Variants in KCNJ6 observed in about 807,000 individuals in gnomAD.
The protein encoded by KCNJ6 is G protein-activated inward rectifier potassium channel 2.
Under a neutral mutation model 34.2 loss-of-function variants are expected in KCNJ6, and 9 were observed. The ratio of observed to expected loss-of-function variants is 0.26; its 90% CI spans 0.16 to 0.46. The LOEUF (loss-of-function observed/expected upper bound fraction) is 0.46, where lower values mean the gene tolerates loss of function less well. KCNJ6 is among the 20% of genes least tolerant of loss of function. The pLI, the probability that KCNJ6 is intolerant of heterozygous loss-of-function variation, is 1.00. For missense variants in KCNJ6, 236 were observed against 531.3 expected, an observed-to-expected ratio of 0.44 and a Z score of 5.46; for synonymous variants, 196 against 207.1, an observed-to-expected ratio of 0.95 and a Z score of 0.46.
chr21:37,884,677 A>G (rs980786434), intron 1 of KCNJ6, among the ~76,000 whole-genome samples: 14 of 152,128 alleles, frequency 9.2e-5, no homozygotes, highest in African/African-American at 3.4e-4. Context: ...CTACCCTTCT[A>G]TCTTTATCTC....
rs148931825 is a variant in KCNJ6 at position 37,892,402 on chromosome 21, T to C, written c.-28+23482A>G. 2.4e-3 allele frequency among the ~76,000 whole-genome samples: 364 copies of C among 152,352 alleles called. 1 individual carries two copies. Among genetic ancestry groups the C allele is most frequent in the African/African-American group, 8.5e-3 (355 of 41,572 alleles). Reference sequence around the variant, plus strand: ...TATTTCAAGCATTCAGGAAATTATATGGAATTTCTATGCTCTGACCTCCAG... The same window carrying C: ...TATTTCAAGCATTCAGGAAATTATACGGAATTTCTATGCTCTGACCTCCAG... On this transcript the variant is annotated intron_variant, in intron 1 of 3. Transcript: ENST00000609713.
At chr21:37,900,520 C>T (rs550521105) in intron 1 of KCNJ6, among the ~76,000 whole-genome samples, 2 of 152,306 alleles carry the variant, frequency 1.3e-5, no homozygotes, top group African/African-American at 2.4e-5. Context: ...ATGCAATTTG[C>T]GTGGCGTGTT....
chr21:37,638,009 C>T (rs542956029), intron 3 of KCNJ6, among the ~76,000 whole-genome samples: 1 of 152,258 alleles, frequency 6.6e-6, no homozygotes, highest in East Asian at 1.9e-4. Flanking sequence ...GCTGTGGCAG[C>T]CTAAGCAGAC....
chr21:37,902,748 T>C (rs1347920395), intron 1 of KCNJ6, among the ~76,000 whole-genome samples: 1 of 152,182 alleles, frequency 6.6e-6, no homozygotes, highest in South Asian at 2.1e-4. Flanking sequence ...GTGCCCATGG[T>C]GAGAAGATAA....
chr21:37,746,228 G>C (rs958116480), intron 2 of KCNJ6, among the ~76,000 whole-genome samples: 14 of 152,200 alleles, frequency 9.2e-5, no homozygotes, highest in African/African-American at 3.1e-4. Context: ...ATGGGAATGG[G>C]GAGATGGTGG....
rs766622814 is a variant in KCNJ6 at position 37,661,614 on chromosome 21, G to GTTCTTTTTTTTTT, written c.947-36131_947-36130insAAAAAAAAAAGAA. On this transcript the variant is annotated intron_variant, in intron 3 of 3. Transcript: ENST00000609713. Reference sequence around the variant, plus strand: ...TCCACCCATTTCCTTAAGAGACATAGTTTTTTTTTTTTTTTTTTTTTTTTT... The same window carrying GTTCTTTTTTTTTT: ...TCCACCCATTTCCTTAAGAGACATAGTTCTTTTTTTTTTTTTTTTTTTTTTTTTTTTTTTTTTT... Among the ~76,000 whole-genome samples, 52 of 71,196 alleles carry GTTCTTTTTTTTTT rather than the reference G, an allele frequency of 7.3e-4. 9 individuals are homozygous for GTTCTTTTTTTTTT. The highest frequency in any genetic ancestry group is 9.6e-4 in the African/African-American group (18 of 18,704). The allele number at this position is 71,196 out of a possible 152,430, so 46.7% of individuals were successfully genotyped here.
intron 2 of KCNJ6, among the ~76,000 whole-genome samples, chr21:37,740,399 G>A (rs1401745134): frequency 2.0e-5 from 3 of 152,062 alleles, no homozygotes; most frequent in Non-Finnish European, 4.4e-5. Context: ...ATCTCTTATC[G>A]CAACCTAGAC....
At chr21:37,726,481 T>G (rs568265924) in intron 2 of KCNJ6, among the ~76,000 whole-genome samples, 5 of 152,188 alleles carry the variant, frequency 3.3e-5, no homozygotes, top group Admixed American at 6.5e-5. Flanking sequence ...AGTGGGTGTA[T>G]GTTTATTGAC....
chr21:37,814,722 C>A (rs142081861), intron 2 of KCNJ6, among the ~76,000 whole-genome samples: 1 of 151,922 alleles, frequency 6.6e-6, no homozygotes, highest in Non-Finnish European at 1.5e-5. Flanking sequence ...CACGGTGAAA[C>A]GCTGTCTCCA....
intron 1 of KCNJ6, among the ~76,000 whole-genome samples, chr21:37,848,605 C>T (rs986785121): frequency 1.3e-5 from 2 of 152,200 alleles, no homozygotes; most frequent in African/African-American, 2.4e-5. Context: ...GGTCCTAATA[C>T]ACTGAGTTAT....
At chr21:37,801,687 T>C (rs1047621082) in intron 2 of KCNJ6, among the ~76,000 whole-genome samples, 2 of 152,168 alleles carry the variant, frequency 1.3e-5, no homozygotes, top group African/African-American at 2.4e-5. Context: ...CCTATGTGTG[T>C]TGGGTGACTG....
intron 3 of KCNJ6, among the ~76,000 whole-genome samples, chr21:37,639,309 C>A (rs1191439110): frequency 6.6e-6 from 1 of 152,188 alleles, no homozygotes; most frequent in African/African-American, 2.4e-5. Context: ...ATGCACTTTG[C>A]CCTTTTGATA....
At chr21:37,678,407 G>A (rs902971172) in intron 3 of KCNJ6, among the ~76,000 whole-genome samples, 1 of 152,164 alleles carries the variant, frequency 6.6e-6, no homozygotes, top group Non-Finnish European at 1.5e-5. Flanking sequence ...GAAACTTCTG[G>A]GATTGTATAG....
intron 2 of KCNJ6, among the ~76,000 whole-genome samples, chr21:37,823,979 T>C (rs550329819): frequency 3.6e-3 from 1 of 276 alleles, no homozygotes; most frequent in South Asian, 0.12. Flanking sequence ...ACAAAAATGA[T>C]GTTTGTGAGA....
intron 2 of KCNJ6, among the ~76,000 whole-genome samples, chr21:37,735,452 C>A (rs1380984169): frequency 6.6e-6 from 1 of 152,200 alleles, no homozygotes; most frequent in Non-Finnish European, 1.5e-5. Flanking sequence ...AGCCCCCAAA[C>A]CTCAGCACTG....
At chr21:37,781,316 A>T (rs1220059354) in intron 2 of KCNJ6, among the ~76,000 whole-genome samples, 3 of 152,174 alleles carry the variant, frequency 2.0e-5, no homozygotes, top group African/African-American at 7.2e-5. Context: ...CATAATCCGA[A>T]CTTTGGCAGA....
At chr21:37,839,251 G>C (rs1337826020) in intron 2 of KCNJ6, among the ~76,000 whole-genome samples, 3 of 152,298 alleles carry the variant, frequency 2.0e-5, no homozygotes, top group South Asian at 2.1e-4. Context: ...GGACGGAGCA[G>C]AGAGCAGGGC....
intron 2 of KCNJ6, among the ~76,000 whole-genome samples, chr21:37,840,174 A>G (rs568834748): frequency 6.6e-6 from 1 of 152,228 alleles, no homozygotes; most frequent in Non-Finnish European, 1.5e-5. Flanking sequence ...TTCAAAACCT[A>G]AATCATTACA....
At chr21:37,739,473 T>C (rs1218933380) in intron 2 of KCNJ6, among the ~76,000 whole-genome samples, 6 of 152,200 alleles carry the variant, frequency 3.9e-5, no homozygotes, top group Admixed American at 1.3e-4. Flanking sequence ...GAGGGCTCTG[T>C]AATTGGGAAA....
Sources: allele counts gnomAD v4.1 joint callset (sites outside exome capture counted in the v4.1 genomes callset), GRCh38; gene constraint gnomAD v4.1.1; transcripts MANE v1.5; gene names NCBI Gene and HGNC (gene_info 2026-07-23, HGNC 2026-07-21).